The following CA13 variants were observed in gnomAD, a reference collection of about 807,000 sequenced individuals.
The protein encoded by CA13 is CA-XIII.
CA13 carries 21 observed loss-of-function variants against 31.5 expected under a neutral mutation model. The observed-to-expected ratio is 0.67, with a 90% CI of 0.47 to 0.96. The LOEUF (loss-of-function observed/expected upper bound fraction) is 0.96. Among genes scored for constraint, CA13 ranks in the 40% least tolerant of loss-of-function variants. CA13 has a pLI of 0.00. For missense variants in CA13, 315 were observed against 318.9 expected (o/e 0.99, Z 0.09); for synonymous variants, 117 against 111.4 (o/e 1.05, Z -0.32).
chr8:85,251,398 A>G lies in CA13; in HGVS notation c.235+461A>G, dbSNP rs147152586. 1.5e-3 allele frequency among the ~76,000 whole-genome samples: 231 copies of G among 152,348 alleles called. 2 individuals are homozygous for G. Among genetic ancestry groups the G allele is most frequent in the African/African-American group, 5.4e-3 (225 of 41,582 alleles). On this transcript the variant is annotated intron_variant, in intron 2 of 6. Transcript: ENST00000321764. ...CGTGTGAATTAAGATATCTTGTTAT[A>G]TATTTGAACCTTCAGATAATCTTAC... is the stretch of plus-strand genomic sequence containing the variant.
chr8:85,248,318 G>A (rs181963440), intron 1 of CA13, among the ~76,000 whole-genome samples: 27 of 152,164 alleles, frequency 1.8e-4, no homozygotes, highest in East Asian at 5.8e-4. Context: ...TTAGCTGGGC[G>A]TGGTGGTGCG....
In CA13 at chr8:85,245,535, CG is replaced by C. The variant is rs1419528855; in HGVS notation, c.-292del. 1 of 429,362 alleles carries C rather than the reference CG, an allele frequency of 2.3e-6. No homozygotes were observed. The highest frequency in any genetic ancestry group is 4.2e-6 in the Non-Finnish European group (1 of 239,986). The allele number at this position is 429,362 out of a possible 1,614,324, so 26.6% of individuals were successfully genotyped here. A position where few individuals can be genotyped will look rare whatever the true frequency, so the allele number is the denominator to read the frequency against. On this transcript the variant is annotated 5_prime_UTR_variant, in exon 1 of 7. Coordinates refer to ENST00000321764, the MANE Select transcript of CA13 (RefSeq NM_198584.3). ...TCCTCAGAAGGCAGGAGATCCCCCC[CG>C]GAAACCTTTCTCTCTCCGTCTCTCC...
intron 1 of CA13, 38 bp downstream of exon 1, chr8:85,245,903 G>A (rs775689693): frequency 1.2e-6 from 2 of 1,613,400 alleles, no homozygotes; most frequent in Admixed American, 1.7e-5. Context: ...GGGTTTGTGC[G>A]GGGGACGAGA....
intron 1 of CA13, among the ~76,000 whole-genome samples, chr8:85,247,249 C>T (rs17813585): frequency 0.048 from 7,356 of 152,186 alleles, 222 homozygotes; most frequent in Non-Finnish European, 0.063. Flanking sequence ...ATCCCAACTG[C>T]GCCTTTATGG....
intron 6 of CA13, among the ~76,000 whole-genome samples, chr8:85,273,808 G>A (rs750466562): frequency 4.6e-5 from 7 of 152,010 alleles, no homozygotes; most frequent in Non-Finnish European, 8.8e-5. Flanking sequence ...CCAAGAGTGC[G>A]CCGACAGACA....
chr8:85,253,252 CTTATTTAT>C (rs140596684), intron 2 of CA13, among the ~76,000 whole-genome samples: 4,090 of 149,610 alleles, frequency 0.027, 187 homozygotes, highest in African/African-American at 0.094. Flanking sequence ...GCCTTTTTTT[CTTATTTAT>C]TTATTTATTT....
At position 85,245,529 on chromosome 8, in the gene CA13, C is replaced by T. The variant is rs906449481; in HGVS notation, c.-300C>T. 1.0e-5 allele frequency: 4 copies of T among 400,510 alleles called. No homozygotes were observed. The highest frequency in any genetic ancestry group is 1.8e-5 in the Non-Finnish European group (4 of 222,004). 24.8% of individuals were successfully genotyped at this position (400,510 alleles called of 1,614,324 possible). A position where few individuals can be genotyped will look rare whatever the true frequency, so the allele number is the denominator to read the frequency against. On this transcript the variant is annotated 5_prime_UTR_variant, in exon 1 of 7. Coordinates refer to ENST00000321764, the MANE Select transcript of CA13 (RefSeq NM_198584.3). Reference sequence around the variant, plus strand: ...GACGACTCCTCAGAAGGCAGGAGATCCCCCCCGGAAACCTTTCTCTCTCCG... The same window carrying T: ...GACGACTCCTCAGAAGGCAGGAGATTCCCCCCGGAAACCTTTCTCTCTCCG...
intron 6 of CA13, among the ~76,000 whole-genome samples, chr8:85,275,832 G>C (rs1807594777): frequency 6.6e-6 from 1 of 152,228 alleles, no homozygotes; most frequent in Non-Finnish European, 1.5e-5. Flanking sequence ...TATAAGTATG[G>C]TAAGTAAAGG....
In CA13 at chr8:85,245,765, C is replaced by A; in HGVS notation, c.-64C>A. 1 of 1,590,290 alleles carries A rather than the reference C, an allele frequency of 6.3e-7. No individual in the cohort carries two copies. The highest frequency in any genetic ancestry group is 8.6e-7 in the Non-Finnish European group (1 of 1,158,950). The stretch of plus-strand genomic sequence containing the variant: ...CTAGCAGGCTCCTTCCCGGGCCCCT[C>A]CCCGCTCCCTCCTCTTTCTCGCTGC... On this transcript the variant is annotated 5_prime_UTR_variant, in exon 1 of 7. Coordinates refer to ENST00000321764, the MANE Select transcript of CA13 (RefSeq NM_198584.3).
intron 3 of CA13, among the ~76,000 whole-genome samples, chr8:85,262,336 G>A (rs1424180765): frequency 2.6e-5 from 4 of 152,154 alleles, no homozygotes; most frequent in East Asian, 1.9e-4. Context: ...ATAGGCATCC[G>A]TTTTAAGTTA....
chr8:85,270,352 G>C (rs753952935), intron 6 of CA13, among the ~76,000 whole-genome samples: 13 of 151,940 alleles, frequency 8.6e-5, no homozygotes, highest in Non-Finnish European at 1.6e-4. Flanking sequence ...CTTCTGTTGG[G>C]TGTTTCTCCT....
At chr8:85,267,176 G>A in intron 4 of CA13, 1 of 827,208 alleles carries the variant, frequency 1.2e-6, no homozygotes, top group South Asian at 5.4e-5. Context: ...CCTGGGAACA[G>A]GTTGGGCTTC....
chr8:85,250,496 G>A (rs1277112548), intron 1 of CA13, among the ~76,000 whole-genome samples: 1 of 152,012 alleles, frequency 6.6e-6, no homozygotes, highest in Admixed American at 6.6e-5. Flanking sequence ...ACAGACTCTT[G>A]TCTACAAGGG....
Position 85,250,828 on chromosome 8 carries a change from C to G in CA13, c.126C>G (p.Asp42Glu). The change falls in exon 2 of 7, where the codon GAC becomes GAG. Residue 42 changes from aspartate to glutamate, a missense_variant. Asp to Glu is a conservative substitution (Grantham distance 45). Coordinates refer to ENST00000321764, the MANE Select transcript of CA13 (RefSeq NM_198584.3). ...IEIKTKEVKY[D>E]SSLRPLSIKY... Reference sequence around the variant, plus strand: ...TTAAAACCAAAGAAGTGAAATATGACTCTTCCCTCCGACCACTTAGTATCA... The same window carrying G: ...TTAAAACCAAAGAAGTGAAATATGAGTCTTCCCTCCGACCACTTAGTATCA... 6.2e-7 allele frequency: 1 copy of G among 1,613,800 alleles called. No homozygotes were observed. Among genetic ancestry groups the G allele is most frequent in the Non-Finnish European group, 8.5e-7 (1 of 1,179,772 alleles).
At chr8:85,260,626 C>A (rs948038569) in intron 3 of CA13, among the ~76,000 whole-genome samples, 2 of 152,168 alleles carry the variant, frequency 1.3e-5, no homozygotes, top group Non-Finnish European at 2.9e-5. Context: ...GAGTATGGAA[C>A]CTGCTCTGTC....
intron 6 of CA13, among the ~76,000 whole-genome samples, chr8:85,276,033 G>C (rs1407337476): frequency 6.6e-6 from 1 of 152,182 alleles, no homozygotes; most frequent in Non-Finnish European, 1.5e-5. Flanking sequence ...GGCCGGAGCC[G>C]GCTCCCTCAG....
At chr8:85,274,088 T>G (rs1399056767) in intron 6 of CA13, among the ~76,000 whole-genome samples, 3 of 152,076 alleles carry the variant, frequency 2.0e-5, no homozygotes, top group African/African-American at 7.2e-5. Context: ...AGTGGCCTTG[T>G]GCCTTGGGAC....
rs1807728114 is a variant in CA13, at chr8:85,282,832, C to T, written c.*1483C>T. On this transcript the variant is annotated 3_prime_UTR_variant, in exon 7 of 7. Transcript: ENST00000321764. ...CATTTAAGACTTGAACACATGCTACCCTTTTGTCATCTTCTGACATAAGTT... is the reference window on the plus strand; with the variant it reads ...CATTTAAGACTTGAACACATGCTACTCTTTTGTCATCTTCTGACATAAGTT... The T allele has an allele frequency of 6.6e-6, 1 of 152,030 alleles. No individual in the cohort carries two copies. The highest frequency in any genetic ancestry group is 6.6e-5 in the Admixed American group (1 of 15,246). 9.4% of individuals were successfully genotyped at this position (152,030 alleles called of 1,614,324 possible). A position where few individuals can be genotyped will look rare whatever the true frequency, so the allele number is the denominator to read the frequency against.
chr8:85,271,464 A>G (rs1379723844), intron 6 of CA13, among the ~76,000 whole-genome samples: 2 of 152,202 alleles, frequency 1.3e-5, no homozygotes, highest in Non-Finnish European at 2.9e-5. Context: ...ATTGAGGACT[A>G]AATTCTTAAC....
Sources: allele counts gnomAD v4.1 joint callset (sites outside exome capture counted in the v4.1 genomes callset), GRCh38; gene constraint gnomAD v4.1.1; transcripts MANE v1.5; gene names NCBI Gene and HGNC (gene_info 2026-07-23, HGNC 2026-07-21).